SRCAP: variants seen among roughly 807,000 people sequenced by gnomAD.
The protein encoded by SRCAP is Snf2 related CREBBP activator protein, also known as chromatin remodeling protein SRCAP.
A neutral mutation model predicts 263.1 loss-of-function variants in SRCAP; 46 were observed. The observed-to-expected ratio is 0.17, with a 90% CI of 0.14 to 0.22. SRCAP has a LOEUF of 0.22. Ranked by LOEUF, SRCAP falls within the 10% of genes least tolerant of loss-of-function variation. The pLI, the probability that SRCAP is intolerant of heterozygous loss-of-function variation, is 1.00. For synonymous variants in SRCAP, 1,813 were observed against 1,662.1 expected (o/e 1.09, Z -2.21); for missense variants, 3,695 against 4,181.9 (o/e 0.88, Z 3.21).
chr16:30,712,457 C>T lies in SRCAP; in HGVS notation c.1993+18C>T. 6.4e-7 allele frequency: 1 copy of T among 1,550,962 alleles called. No homozygotes were observed. The highest frequency in any genetic ancestry group is 8.7e-7 in the Non-Finnish European group (1 of 1,151,398). ...TGAGAAAGGTAAGTAGGCAAGGCCCCTTCTTTTGTTCCCCCTAGTCTAGCT... is the reference window on the plus strand; with the variant it reads ...TGAGAAAGGTAAGTAGGCAAGGCCCTTTCTTTTGTTCCCCCTAGTCTAGCT... On this transcript the variant is annotated intron_variant, in intron 13 of 33. Coordinates refer to ENST00000262518, the MANE Select transcript of SRCAP (RefSeq NM_006662.3).
At position 30,738,420 on chromosome 16, in the gene SRCAP, C is replaced by T. The variant is rs139190108; in HGVS notation, c.8380C>T (p.Arg2794Cys). Residue 2794 changes from arginine (R) to cysteine (C), a missense_variant, in exon 34 of 34, where the codon CGC (arginine) becomes TGC (cysteine). Coordinates refer to ENST00000262518, the MANE Select transcript of SRCAP (RefSeq NM_006662.3). ...TSASPGSPSV[R>C]SMSGPESSPP... ...TGCCAGCCCGGGAAGCCCGTCTGTCCGCAGCATGTCAGGGCCAGAATCCTC... is the reference window on the plus strand; with the variant it reads ...TGCCAGCCCGGGAAGCCCGTCTGTCTGCAGCATGTCAGGGCCAGAATCCTC... The T allele has an allele frequency of 6.4e-6, 10 of 1,552,596 alleles. No homozygotes were observed. The African/African-American group carries it at 6.8e-5, about 11-fold the overall frequency.
intron 18 of SRCAP, among the ~76,000 whole-genome samples, chr16:30,718,512 C>T (rs571706614): frequency 1.4e-5 from 2 of 142,616 alleles, no homozygotes; most frequent in South Asian, 2.2e-4. Context: ...CTTACTCTGT[C>T]GCTCAGGCTG....
In SRCAP at chr16:30,716,344, G is replaced by A; in HGVS notation, c.2682G>A (p.Leu894=). 6.2e-7 allele frequency: 1 copy of A among 1,614,140 alleles called. No homozygotes were observed. The highest frequency in any genetic ancestry group is 8.5e-7 in the Non-Finnish European group (1 of 1,180,034). Residue 894 remains leucine (L), a synonymous_variant, in exon 18 of 34, where the codon TTG becomes TTA. Transcript: ENST00000262518. The stretch of plus-strand genomic sequence containing the variant: ...ATTTCATGAGCGTCATCAACATTTT[G>A]ATGCAGCTGAGAAAAGTTTGCAATC... The part of the protein sequence containing the change: ...TGHFMSVINI[L]MQLRKVCNHP...
At chr16:30,731,292 G>A (rs559275747) in intron 27 of SRCAP, among the ~76,000 whole-genome samples, 1 of 152,262 alleles carries the variant, frequency 6.6e-6, no homozygotes, top group Non-Finnish European at 1.5e-5. Context: ...TATTTTCTGG[G>A]TTTGGGTTGG....
chr16:30,703,642 A>T (rs2052793846), intron 3 of SRCAP, among the ~76,000 whole-genome samples: 1 of 151,708 alleles, frequency 6.6e-6, no homozygotes, highest in South Asian at 2.1e-4. Context: ...CACGCCTGTA[A>T]TCCCAGCACT....
At position 30,724,303 on chromosome 16, in the gene SRCAP, A is replaced by G. The variant is rs1203845175; in HGVS notation, c.4879A>G (p.Thr1627Ala). The stretch of plus-strand genomic sequence containing the variant: ...TGCTCCTGTCCTGGCTTCATCACAG[A>G]CTCCGGTTCCAGTTATGGCTCCATC... ...GAAPVLASSQ[T>A]PVPVMAPSST... The change falls in exon 25 of 34, where the codon ACT becomes GCT. Residue 1627 changes from threonine (T) to alanine (A), a missense_variant. Thr to Ala is a moderately conservative substitution (Grantham distance 58). Transcript: ENST00000262518. The G allele has an allele frequency of 6.2e-7, 1 of 1,613,294 alleles. No homozygotes were observed. The highest frequency in any genetic ancestry group is 1.7e-5 in the Admixed American group (1 of 59,962).
chr16:30,729,005 C>CG lies in SRCAP; in HGVS notation c.5699dup (p.Leu1901ProfsTer8). ...AAAGCGGAAGCGGCAGCGGTCTGAA[C>CG]GCCTGGAACGGATTTTCCAACTTAG... On this transcript the variant is annotated frameshift_variant, in exon 26 of 34. Coordinates refer to ENST00000262518, the MANE Select transcript of SRCAP (RefSeq NM_006662.3). LOFTEE classifies it high-confidence loss of function. The CG allele has an allele frequency of 6.2e-7, 1 of 1,614,074 alleles. No homozygotes were observed. Among genetic ancestry groups the CG allele is most frequent in the Non-Finnish European group, 8.5e-7 (1 of 1,179,976 alleles).
At chr16:30,729,651 G>A in intron 27 of SRCAP, 79 bp downstream of exon 27, 2 of 1,529,268 alleles carry the variant, frequency 1.3e-6, no homozygotes, top group Non-Finnish European at 1.8e-6. Flanking sequence ...GAGGGATGCT[G>A]CACTTAAGTT....
Position 30,737,318 on chromosome 16 carries a change from A to G in SRCAP, c.7278A>G (p.Pro2426=). The G allele has an allele frequency of 1.2e-6, 2 of 1,613,694 alleles. No homozygotes were observed. Among genetic ancestry groups the G allele is most frequent in the South Asian group, 2.2e-5 (2 of 91,056 alleles). The change falls in exon 34 of 34, where the codon CCA becomes CCG. Residue 2426 remains proline, a synonymous_variant. Coordinates refer to ENST00000262518, the MANE Select transcript of SRCAP (RefSeq NM_006662.3). Reference sequence around the variant, plus strand: ...ATCAAACTCGCAGCACCACCACACCACCCCGCTGCAGTCCTGCCAGGGAGC... The same window carrying G: ...ATCAAACTCGCAGCACCACCACACCGCCCCGCTGCAGTCCTGCCAGGGAGC... ...SAHQTRSTTT[P]PRCSPARERV...
At chr16:30,734,326 A>G (rs558926989) in intron 30 of SRCAP, 170 bp from the exon 31 acceptor site, 187 of 998,370 alleles carry the variant, frequency 1.9e-4, no homozygotes, top group African/African-American at 1.6e-5. Flanking sequence ...CTGGGTGACG[A>G]GCAAAACCGT....
chr16:30,729,649 C>A lies in SRCAP; in HGVS notation c.6127+77C>A, dbSNP rs1192284927. 4 of 1,542,562 alleles carry A rather than the reference C, an allele frequency of 2.6e-6. No homozygotes were observed. The African/African-American group carries it at 4.1e-5, about 16-fold the overall frequency. On this transcript the variant is annotated intron_variant, in intron 27 of 33. Transcript: ENST00000262518. ...TTAAGACTGTTGTATCAGAGGGATG[C>A]TGCACTTAAGTTCTCTTGCGATTTC...
At position 30,700,743 on chromosome 16, in the gene SRCAP, C is replaced by T. The variant is rs1158419169; in HGVS notation, c.-82C>T. The T allele has an allele frequency of 5.1e-6, 7 of 1,376,610 alleles. No homozygotes were observed. Among genetic ancestry groups the T allele is most frequent in the African/African-American group, 2.9e-5 (2 of 70,138 alleles). The allele number at this position is 1,376,610 out of a possible 1,614,324, so 85.3% of individuals were successfully genotyped here. ...GCTCCCAGCATGCCCTGCAGCCGGA[C>T]GCCAGCCCCTCGGCCAGCAGTACTG... On this transcript the variant is annotated 5_prime_UTR_variant, in exon 3 of 34. It adds an upstream start codon to the 5' untranslated region. Coordinates refer to ENST00000262518, the MANE Select transcript of SRCAP (RefSeq NM_006662.3).
rs1413135855 is a variant in SRCAP, at chr16:30,721,473, C to G, written c.3538C>G (p.Pro1180Ala). ...ATCTCCCGATATGCAGGCTCGCCTGCCCTGTAAGTTCCCAGGGCTCTGTGG... is the reference window on the plus strand; with the variant it reads ...ATCTCCCGATATGCAGGCTCGCCTGGCCTGTAAGTTCCCAGGGCTCTGTGG... The part of the protein sequence containing the change: ...ILSPDMQARL[P>A]SGEVVSIGQL... The change falls in exon 21 of 34, where the codon CCC (proline) becomes GCC (alanine). Residue 1180 changes from proline (P) to alanine (A), a missense_variant. Pro to Ala is a conservative substitution (Grantham distance 27). Coordinates refer to ENST00000262518, the MANE Select transcript of SRCAP (RefSeq NM_006662.3). The G allele has an allele frequency of 6.2e-7, 1 of 1,608,430 alleles. No individual in the cohort carries two copies. Among genetic ancestry groups the G allele is most frequent in the African/African-American group, 1.3e-5 (1 of 74,946 alleles).
At chr16:30,728,094 C>G (rs912335568) in intron 25 of SRCAP, among the ~76,000 whole-genome samples, 19 of 152,168 alleles carry the variant, frequency 1.2e-4, no homozygotes, top group Non-Finnish European at 7.4e-5. Flanking sequence ...TAGAGCACTT[C>G]AAGCCAAGAG....
intron 31 of SRCAP, among the ~76,000 whole-genome samples, chr16:30,735,136 A>ATTTTTTTTTTTTTTTTT (rs10532453): frequency 9.4e-6 from 1 of 106,508 alleles, no homozygotes; most frequent in African/African-American, 4.4e-5. Flanking sequence ...AGTACAAAGC[A>ATTTTTTTTTTTTTTTTT]TTTTTTTTTT....
intron 5 of SRCAP, 47 bp from the exon 6 acceptor site, chr16:30,707,525 G>A (rs745484540): frequency 1.2e-6 from 2 of 1,608,376 alleles, no homozygotes; most frequent in South Asian, 2.2e-5. Context: ...CTTTGGGTGG[G>A]GAAGTCTGGC....
At position 30,739,739 on chromosome 16, in the gene SRCAP, C is replaced by G. The variant is rs920827090; in HGVS notation, c.*6C>G. On this transcript the variant is annotated 3_prime_UTR_variant, in exon 34 of 34. Transcript: ENST00000262518. The stretch of plus-strand genomic sequence containing the variant: ...GCCGCAAGGCCAAGACGTGAGTGGG[C>G]TGCCCCTCCACCTAGGCTTTCCACC... 4 of 1,465,632 alleles carry G rather than the reference C, an allele frequency of 2.7e-6. No individual in the cohort carries two copies. The highest frequency in any genetic ancestry group is 3.6e-6 in the Non-Finnish European group (4 of 1,107,444). The allele number at this position is 1,465,632 out of a possible 1,614,324, so 90.8% of individuals were successfully genotyped here.
Position 30,729,106 on chromosome 16 carries a change from C to T in SRCAP, c.5799C>T (p.Ala1933=). 3 of 1,614,188 alleles carry T rather than the reference C, an allele frequency of 1.9e-6. No homozygotes were observed. The highest frequency in any genetic ancestry group is 2.5e-6 in the Non-Finnish European group (3 of 1,180,028). The change falls in exon 26 of 34, where the codon GCC becomes GCT. Residue 1933 remains alanine, a synonymous_variant. Transcript: ENST00000262518. ...TCTGTACCCTGCCCCAACCTGTTGCCAGCCCCATCGGCCCTCGTTCTCCTG... is the reference window on the plus strand; with the variant it reads ...TCTGTACCCTGCCCCAACCTGTTGCTAGCCCCATCGGCCCTCGTTCTCCTG... ...LDFCTLPQPV[A]SPIGPRSPGP...
At chr16:30,726,467 G>A (rs1311652424) in intron 25 of SRCAP, among the ~76,000 whole-genome samples, 1 of 151,784 alleles carries the variant, frequency 6.6e-6, no homozygotes, top group African/African-American at 2.4e-5. Flanking sequence ...TGCAGCATTT[G>A]ACATTACCAC....
Sources: gnomAD v4.1 joint callset for allele counts (sites outside exome capture counted in the v4.1 genomes callset) on GRCh38, gnomAD v4.1.1 for gene constraint, MANE v1.5 for transcripts, NCBI Gene and HGNC (gene_info 2026-07-23, HGNC 2026-07-21) for gene names.